Variants in TMLHE observed in about 807,000 individuals in gnomAD.
TMLHE encodes the protein trimethyllysine hydroxylase, epsilon, also known as trimethyllysine dioxygenase, mitochondrial.
Under a neutral mutation model 25.7 loss-of-function variants are expected in TMLHE, and 18 were observed. That is an observed-to-expected ratio of 0.70 (90% CI 0.48 to 1.04). TMLHE has a LOEUF of 1.04. Among genes scored for constraint, TMLHE ranks in the 50% least tolerant of loss-of-function variants. TMLHE has a pLI of 0.00. For missense variants in TMLHE, 236 were observed against 259.0 expected, an observed-to-expected ratio of 0.91 and a Z score of 0.61; for synonymous variants, 105 against 97.0, an observed-to-expected ratio of 1.08 and a Z score of -0.49.
At chrX:155,513,919 A>ATT (rs1172498644) in intron 4 of TMLHE, 67 bp downstream of exon 4, 10 of 1,079,368 alleles carry the variant, frequency 9.3e-6, no homozygotes, top group Middle Eastern at 3.0e-4. Flanking sequence ...TGTTACATTT[A>ATT]TTTATTGGTG....
chrX:155,595,584 A>G (rs1557346431), intron 1 of TMLHE, among the ~76,000 whole-genome samples: 1 of 112,406 alleles, frequency 8.9e-6, no homozygotes, highest in African/African-American at 3.2e-5. Flanking sequence ...TTCAAGATAA[A>G]TAAACCCAGT....
intron 3 of TMLHE, 23 bp downstream of exon 3, chrX:155,524,433 G>A (rs1225065509): frequency 9.1e-7 from 1 of 1,100,665 alleles, no homozygotes; most frequent in African/African-American, 1.8e-5. Flanking sequence ...CCCCAAAGAA[G>A]ATCAAGTCTC....
intron 2 of TMLHE, among the ~76,000 whole-genome samples, chrX:155,526,456 G>A: frequency 8.9e-6 from 1 of 112,918 alleles, no homozygotes. Flanking sequence ...TGGATATCCA[G>A]GCAGAAGTCT....
chrX:155,522,136 G>A (rs2067191598), intron 3 of TMLHE, among the ~76,000 whole-genome samples: 1 of 112,298 alleles, frequency 8.9e-6, no homozygotes, highest in Non-Finnish European at 1.9e-5. Context: ...CTAATATTTT[G>A]CCTGTTTTTA....
chrX:155,588,511 G>A (rs1557345542), intron 1 of TMLHE, among the ~76,000 whole-genome samples: 1 of 111,502 alleles, frequency 9.0e-6, no homozygotes, highest in Non-Finnish European at 1.9e-5. Context: ...AAGAGCTTTT[G>A]TACAGCAAAA....
chrX:155,524,447 T>C lies in TMLHE; in HGVS notation c.358+9A>G. Reference sequence around the variant, plus strand: ...CCCCCAAAGAAGATCAAGTCTCCTGTCCACTCACAAGTGAAAAAGAGTGTG... The same window carrying C: ...CCCCCAAAGAAGATCAAGTCTCCTGCCCACTCACAAGTGAAAAAGAGTGTG... On this transcript the variant is annotated intron_variant, in intron 3 of 7. Coordinates refer to ENST00000334398, the MANE Select transcript of TMLHE (RefSeq NM_018196.4). 2 of 1,143,131 alleles carry C rather than the reference T, an allele frequency of 1.7e-6. No individual in the cohort carries two copies. Among genetic ancestry groups the C allele is most frequent in the Non-Finnish European group, 2.3e-6 (2 of 857,052 alleles). The allele number at this position is 1,143,131 out of a possible 1,213,427, so 94.2% of individuals were successfully genotyped here. A position where few individuals can be genotyped will look rare whatever the true frequency, so the allele number is the denominator to read the frequency against.
chrX:155,542,755 T>C lies in TMLHE; in HGVS notation c.181+2341A>G, dbSNP rs782126357. Among the ~76,000 whole-genome samples, 5 of 111,722 alleles carry C rather than the reference T, an allele frequency of 4.5e-5. No homozygotes were observed. The East Asian group carries it at 1.4e-3, about 31-fold the overall frequency. ...TAACACTTTAAGGTTGTCATTCCATTGTGTTCTTGCTTGCACAGTTCCTGA... is the reference window on the plus strand; with the variant it reads ...TAACACTTTAAGGTTGTCATTCCATCGTGTTCTTGCTTGCACAGTTCCTGA... On this transcript the variant is annotated intron_variant, in intron 2 of 7. Transcript: ENST00000334398.
At chrX:155,525,012 G>C (rs782677806) in intron 2 of TMLHE, among the ~76,000 whole-genome samples, 1 of 111,988 alleles carries the variant, frequency 8.9e-6, no homozygotes, top group Non-Finnish European at 1.9e-5. Context: ...TTGTCACAAG[G>C]TTATCAAGAT....
intron 6 of TMLHE, among the ~76,000 whole-genome samples, chrX:155,506,510 TA>T (rs1569561813): frequency 1.8e-5 from 2 of 111,463 alleles, no homozygotes; most frequent in African/African-American, 6.5e-5. Flanking sequence ...ACAAAATATC[TA>T]AGTTGTGATA....
chrX:155,530,766 G>A (rs2067245341), intron 2 of TMLHE, among the ~76,000 whole-genome samples: 1 of 112,577 alleles, frequency 8.9e-6, no homozygotes, highest in African/African-American at 3.2e-5. Flanking sequence ...AATCTGTGGT[G>A]TATTTTAGCA....
At chrX:155,581,059 C>G (rs975525857) in intron 1 of TMLHE, among the ~76,000 whole-genome samples, 1 of 111,715 alleles carries the variant, frequency 9.0e-6, no homozygotes, top group Non-Finnish European at 1.9e-5. Flanking sequence ...TTAAACAGAA[C>G]CAAAGACAAA....
At chrX:155,526,575 A>G (rs2067220819) in intron 2 of TMLHE, among the ~76,000 whole-genome samples, 1 of 112,310 alleles carries the variant, frequency 8.9e-6, no homozygotes, top group African/African-American at 3.2e-5. Flanking sequence ...GCCTAGTGGA[A>G]CTATGAGAAG....
chrX:155,554,630 C>T (rs1046035527), intron 1 of TMLHE, among the ~76,000 whole-genome samples: 4 of 108,512 alleles, frequency 3.7e-5, no homozygotes, highest in Admixed American at 9.9e-5. Flanking sequence ...TATTCTGCTT[C>T]GGGTTATGGT....
chrX:155,571,354 C>A lies in TMLHE; in HGVS notation c.-1-26077G>T, dbSNP rs1291984503. Among the ~76,000 whole-genome samples the A allele has an allele frequency of 1.3e-4, 7 of 55,061 alleles. 2 individuals carry two copies. Among genetic ancestry groups the A allele is most frequent in the African/African-American group, 2.6e-4 (6 of 22,876 alleles). The allele number at this position is 55,061 out of a possible 115,157, so 47.8% of individuals were successfully genotyped here. ...GTGGCAATAATCAATAGCTTACCAA[C>A]CAAAAAGAGTCCAGGACCAGATGGA... On this transcript the variant is annotated intron_variant, in intron 1 of 7. Coordinates refer to ENST00000334398, the MANE Select transcript of TMLHE (RefSeq NM_018196.4).
At chrX:155,601,452 T>G (rs1412255870) in intron 1 of TMLHE, among the ~76,000 whole-genome samples, 1 of 111,779 alleles carries the variant, frequency 8.9e-6, no homozygotes, top group Non-Finnish European at 1.9e-5. Flanking sequence ...TTCCCTGTGT[T>G]GCTGAAATTA....
At chrX:155,574,344 T>G (rs1557343582) in intron 1 of TMLHE, among the ~76,000 whole-genome samples, 1 of 111,875 alleles carries the variant, frequency 8.9e-6, no homozygotes, top group African/African-American at 3.3e-5. Flanking sequence ...TGAGTCCTTG[T>G]CCACACAGAA....
At chrX:155,580,443 T>G (rs1419208126) in intron 1 of TMLHE, among the ~76,000 whole-genome samples, 2 of 111,535 alleles carry the variant, frequency 1.8e-5, no homozygotes, top group African/African-American at 6.5e-5. Context: ...TAAGTAAAAA[T>G]AGAACTACCG....
rs1247669957 is a variant in TMLHE, at chrX:155,564,627, T to C, written c.-1-19350A>G. 4.9e-5 allele frequency among the ~76,000 whole-genome samples: 3 copies of C among 61,648 alleles called. 1 individual carries two copies. The allele number at this position is 61,648 out of a possible 115,157, so 53.5% of individuals were successfully genotyped here. A position where few individuals can be genotyped will look rare whatever the true frequency, so the allele number is the denominator to read the frequency against. On this transcript the variant is annotated intron_variant, in intron 1 of 7. Transcript: ENST00000334398. ...GGAAGAAAGAAACAATGATGGATGATAGAACACAGCAGCTGGGCCCTCAGT... is the reference window on the plus strand; with the variant it reads ...GGAAGAAAGAAACAATGATGGATGACAGAACACAGCAGCTGGGCCCTCAGT...
In TMLHE at chrX:155,580,789, T is replaced by C. The variant is rs373249870; in HGVS notation, c.-2+32003A>G. 8.1e-5 allele frequency among the ~76,000 whole-genome samples: 9 copies of C among 110,999 alleles called. No homozygotes were observed. The East Asian group carries it at 2.5e-3, about 31-fold the overall frequency. ...TTTCTTCTGAAACTATTCCAATCAA[T>C]AGAAAAAGAAGGAATCCTCCCTAAC... On this transcript the variant is annotated intron_variant, in intron 1 of 7. Coordinates refer to ENST00000334398, the MANE Select transcript of TMLHE (RefSeq NM_018196.4).
Sources: gnomAD v4.1 joint callset for allele counts (sites outside exome capture counted in the v4.1 genomes callset) on GRCh38, gnomAD v4.1.1 for gene constraint, MANE v1.5 for transcripts, NCBI Gene and HGNC (gene_info 2026-07-23, HGNC 2026-07-21) for gene names.